GLRA2: variants seen among roughly 807,000 people sequenced by gnomAD.
GLRA2 encodes the protein glycine receptor alpha 2, also known as glycine receptor subunit alpha-2.
GLRA2 carries 11 observed loss-of-function variants against 31.6 expected under a neutral mutation model. The observed-to-expected ratio is 0.35, with a 90% CI of 0.22 to 0.58. The LOEUF is 0.58. Ranked by LOEUF, GLRA2 falls within the 20% of genes least tolerant of loss-of-function variation. The pLI is 0.84. For missense variants in GLRA2, 212 were observed against 351.8 expected (o/e 0.60, Z 3.18); for synonymous variants, 132 against 134.0 (o/e 0.99, Z 0.10).
chrX:14,671,981 G>A (rs765232673), intron 7 of GLRA2, among the ~76,000 whole-genome samples: 1 of 111,929 alleles, frequency 8.9e-6, no homozygotes, highest in Non-Finnish European at 1.9e-5. Context: ...AACCCATACT[G>A]CTATTGATGT....
intron 4 of GLRA2, among the ~76,000 whole-genome samples, chrX:14,602,383 G>A (rs1245413184): frequency 9.2e-6 from 1 of 108,650 alleles, no homozygotes; most frequent in Non-Finnish European, 1.9e-5. Context: ...TTGTTTGTTT[G>A]TTTGTTTTGT....
chrX:14,491,232 A>G, the GLRA2 span, among the ~76,000 whole-genome samples: 3 of 111,828 alleles, frequency 2.7e-5, no homozygotes, highest in South Asian at 1.1e-3. Flanking sequence ...TATTCTGTCC[A>G]TTTGCTGTAA....
At chrX:14,508,510 A>ATTCCT in the GLRA2 span, among the ~76,000 whole-genome samples, 1 of 111,984 alleles carries the variant, frequency 8.9e-6, no homozygotes, top group Admixed American at 9.4e-5. Context: ...TGCAGCACAC[A>ATTCCT]GTCCTTATGG....
chrX:14,568,754 A>G (rs1305919973), intron 2 of GLRA2, among the ~76,000 whole-genome samples: 2 of 110,292 alleles, frequency 1.8e-5, no homozygotes, highest in Non-Finnish European at 3.8e-5. Flanking sequence ...GAATTTCCAC[A>G]TGCAAAACAA....
At chrX:14,519,095 C>T in the GLRA2 span, among the ~76,000 whole-genome samples, 1 of 104,025 alleles carries the variant, frequency 9.6e-6, no homozygotes, top group Non-Finnish European at 2.0e-5. Flanking sequence ...TTTTTTGTGT[C>T]TTATGTTATC....
At chrX:14,583,477 G>T (rs889357280) in intron 4 of GLRA2, among the ~76,000 whole-genome samples, 2 of 112,497 alleles carry the variant, frequency 1.8e-5, no homozygotes, top group East Asian at 2.8e-4. Flanking sequence ...CGTGGGTCAC[G>T]CCTGTAATCC....
intron 2 of GLRA2, among the ~76,000 whole-genome samples, chrX:14,542,377 C>A (rs2089417247): frequency 9.0e-6 from 1 of 111,661 alleles, no homozygotes; most frequent in African/African-American, 3.3e-5. Flanking sequence ...ACAATTAGGG[C>A]CTGTATGTCA....
Position 14,640,611 on chromosome X carries a change from A to G in GLRA2, c.930+31406A>G, listed in dbSNP as rs759905932. Among the ~76,000 whole-genome samples, 4 of 111,398 alleles carry G rather than the reference A, an allele frequency of 3.6e-5. No homozygotes were observed. In the Admixed American group the frequency reaches 3.8e-4, roughly 11 times the overall value. On this transcript the variant is annotated intron_variant, in intron 7 of 8. Transcript: ENST00000218075. ...GGTAACTACTGTTCTGACTTGTTTA[A>G]CTATTGTTACTTTTGCCTCTTACTG...
the GLRA2 span, among the ~76,000 whole-genome samples, chrX:14,465,913 G>T: frequency 8.9e-6 from 1 of 111,890 alleles, no homozygotes; most frequent in Non-Finnish European, 1.9e-5. Context: ...TATTATAATT[G>T]TGTTTAGCCC....
intron 7 of GLRA2, among the ~76,000 whole-genome samples, chrX:14,667,942 C>A (rs1195574996): frequency 8.9e-6 from 1 of 112,078 alleles, no homozygotes; most frequent in Non-Finnish European, 1.9e-5. Context: ...CTTGTAGTTT[C>A]TATGGGTTAG....
chrX:14,574,514 C>A, intron 3 of GLRA2, 114 bp downstream of exon 3: 1 of 1,204,486 alleles, frequency 8.3e-7, no homozygotes, highest in African/African-American at 1.7e-5. Context: ...ATGTTACCTG[C>A]AACATATTTA....
intron 7 of GLRA2, among the ~76,000 whole-genome samples, chrX:14,656,812 C>T (rs1411779347): frequency 8.9e-6 from 1 of 111,902 alleles, no homozygotes; most frequent in Non-Finnish European, 1.9e-5. Flanking sequence ...AAATATGAAG[C>T]AGGATAGAGG....
At chrX:14,727,040 T>C in intron 8 of GLRA2, among the ~76,000 whole-genome samples, 1 of 112,155 alleles carries the variant, frequency 8.9e-6, no homozygotes, top group Middle Eastern at 4.6e-3. Flanking sequence ...TGAGGGGTTG[T>C]TTCTATTTCA....
the GLRA2 span, among the ~76,000 whole-genome samples, chrX:14,487,387 TAAAAAAAAA>T: frequency 2.1e-4 from 6 of 27,946 alleles, no homozygotes; most frequent in South Asian, 2.1e-3. Context: ...TGGTTTTCTG[TAAAAAAAAA>T]AAAAAAAAAA....
At chrX:14,689,685 A>C (rs745416339) in intron 7 of GLRA2, among the ~76,000 whole-genome samples, 1 of 112,442 alleles carries the variant, frequency 8.9e-6, no homozygotes, top group African/African-American at 3.2e-5. Flanking sequence ...GCTGGCAAGC[A>C]CTTGACAGCT....
chrX:14,474,560 G>C, the GLRA2 span, among the ~76,000 whole-genome samples: 1 of 111,174 alleles, frequency 9.0e-6, no homozygotes, highest in African/African-American at 3.3e-5. Context: ...ATTCTTCTGG[G>C]CTTGGTGGGC....
At chrX:14,723,128 C>T (rs1361379770) in intron 8 of GLRA2, among the ~76,000 whole-genome samples, 1 of 112,161 alleles carries the variant, frequency 8.9e-6, no homozygotes, top group Non-Finnish European at 1.9e-5. Context: ...GAGTTACAGA[C>T]TGTCCATTGC....
At chrX:14,714,501 T>C (rs1339315353) in intron 8 of GLRA2, among the ~76,000 whole-genome samples, 5 of 111,798 alleles carry the variant, frequency 4.5e-5, no homozygotes, top group Non-Finnish European at 9.4e-5. Flanking sequence ...CTAGGAGTTG[T>C]ATAGCCCAAC....
chrX:14,461,269 T>A, the GLRA2 span, among the ~76,000 whole-genome samples: 3 of 111,488 alleles, frequency 2.7e-5, no homozygotes, highest in East Asian at 8.4e-4. Context: ...TTGCTTCCAA[T>A]TATGTGGTCA....
Sources: allele counts gnomAD v4.1 joint callset (sites outside exome capture counted in the v4.1 genomes callset), GRCh38; gene constraint gnomAD v4.1.1; transcripts MANE v1.5; gene names NCBI Gene and HGNC (gene_info 2026-07-23, HGNC 2026-07-21).